The following PEBP4 variants were observed in gnomAD, a reference collection of about 807,000 sequenced individuals.
PEBP4 encodes phosphatidylethanolamine-binding protein 4.
A neutral mutation model predicts 23.9 loss-of-function variants in PEBP4; 22 were observed. The ratio of observed to expected loss-of-function variants is 0.92; its 90% CI spans 0.66 to 1.31. The LOEUF is 1.31. PEBP4 is among the 40% of genes most tolerant of loss of function. The pLI is 0.00. For missense variants in PEBP4, 324 were observed against 281.7 expected (o/e 1.15, Z -1.07); for synonymous variants, 112 against 99.3 (o/e 1.13, Z -0.76).
intron 4 of PEBP4, among the ~76,000 whole-genome samples, chr8:22,780,087 C>G (rs1204789743): frequency 6.6e-6 from 1 of 152,022 alleles, no homozygotes; most frequent in Non-Finnish European, 1.5e-5. Context: ...TAGCTGGGAC[C>G]ACAGGTGCTG....
intron 3 of PEBP4, among the ~76,000 whole-genome samples, chr8:22,845,358 A>G (rs1437938035): frequency 7.7e-6 from 1 of 129,720 alleles, no homozygotes. Flanking sequence ...ACATACCAGG[A>G]CGCATCTCTA....
In PEBP4 at chr8:22,927,822, C is replaced by A. The variant is rs951224700; in HGVS notation, c.-7+1G>T. Reference sequence around the variant, plus strand: ...AGGGGCCCACTTGGCAGGATAGAGACCTCTGGTTAAGCACAGGGAGAAGGA... The same window carrying A: ...AGGGGCCCACTTGGCAGGATAGAGAACTCTGGTTAAGCACAGGGAGAAGGA... On this transcript the variant is annotated splice_donor_variant, in intron 1 of 6. Coordinates refer to ENST00000256404, the MANE Select transcript of PEBP4 (RefSeq NM_144962.3). LOFTEE classifies it low-confidence loss of function (5UTR_SPLICE). The A allele has an allele frequency of 2.1e-6, 3 of 1,453,708 alleles. No individual in the cohort carries two copies. The highest frequency in any genetic ancestry group is 2.8e-6 in the Non-Finnish European group (3 of 1,068,694). The allele number at this position is 1,453,708 out of a possible 1,614,324, so 90.1% of individuals were successfully genotyped here. A position where few individuals can be genotyped will look rare whatever the true frequency, so the allele number is the denominator to read the frequency against.
intron 3 of PEBP4, among the ~76,000 whole-genome samples, chr8:22,916,997 G>A (rs911166906): frequency 6.6e-6 from 1 of 152,150 alleles, no homozygotes; most frequent in Non-Finnish European, 1.5e-5. Context: ...TGTGACGGGA[G>A]CAGGGTCCAA....
At chr8:22,940,889 G>A (rs1314494065) in intron 1 of PEBP4, among the ~76,000 whole-genome samples, 1 of 152,206 alleles carries the variant, frequency 6.6e-6, no homozygotes, top group Non-Finnish European at 1.5e-5. Context: ...CAGGGAAGAA[G>A]AGCCCTTGTC....
chr8:22,834,917 A>G (rs1418510750), intron 3 of PEBP4, among the ~76,000 whole-genome samples: 1 of 152,166 alleles, frequency 6.6e-6, no homozygotes, highest in African/African-American at 2.4e-5. Flanking sequence ...TTCAGCCCCT[A>G]GACTTCTTGT....
intron 4 of PEBP4, among the ~76,000 whole-genome samples, chr8:22,800,342 C>A (rs1806357671): frequency 6.6e-6 from 1 of 151,956 alleles, no homozygotes; most frequent in African/African-American, 2.4e-5. Context: ...ACACTCTGCA[C>A]TGATAAGCTT....
chr8:22,737,430 G>A (rs117052233), intron 4 of PEBP4, among the ~76,000 whole-genome samples: 2,008 of 152,314 alleles, frequency 0.013, 59 homozygotes, highest in East Asian at 0.057. Flanking sequence ...CACCTCTTGC[G>A]GAGTGCCCGT....
intron 3 of PEBP4, among the ~76,000 whole-genome samples, chr8:22,882,768 C>A (rs1019752044): frequency 7.2e-5 from 11 of 152,284 alleles, no homozygotes; most frequent in African/African-American, 2.6e-4. Flanking sequence ...GCCCATACCA[C>A]CAACCACCTC....
At position 22,775,987 on chromosome 8, in the gene PEBP4, G is replaced by A. The variant is rs1401468604; in HGVS notation, c.357+41650C>T. 6.6e-6 allele frequency among the ~76,000 whole-genome samples: 1 copy of A among 152,142 alleles called. No homozygotes were observed. Among genetic ancestry groups the A allele is most frequent in the Non-Finnish European group, 1.5e-5 (1 of 68,000 alleles). ...ACAATGGGGGTTGCAGATGCACACA[G>A]AGGGGTGTCTGTGTGCACCAGAGAG... On this transcript the variant is annotated intron_variant, in intron 4 of 6. Transcript: ENST00000256404. The surrounding 1 kb of genome is among the most constrained non-coding windows in gnomAD (Gnocchi z 4.8).
chr8:22,901,215 C>A (rs1282171073), intron 3 of PEBP4, among the ~76,000 whole-genome samples: 1 of 152,122 alleles, frequency 6.6e-6, no homozygotes, highest in South Asian at 2.1e-4. Context: ...GCTGGTGAAA[C>A]AAGAGAGGCA....
chr8:22,822,354 AGT>A (rs34500729), intron 3 of PEBP4, among the ~76,000 whole-genome samples: 1,571 of 147,812 alleles, frequency 0.011, 25 homozygotes, highest in African/African-American at 0.036. Context: ...TATATACTAA[AGT>A]GTGTGTGTGT....
chr8:22,845,498 G>A (rs976832832), intron 3 of PEBP4, among the ~76,000 whole-genome samples: 8 of 152,190 alleles, frequency 5.3e-5, no homozygotes, highest in African/African-American at 1.9e-4. Flanking sequence ...ACTCTAGCCT[G>A]GGCAGCAGAG....
At chr8:22,923,426 A>G (rs1406127154) in intron 2 of PEBP4, among the ~76,000 whole-genome samples, 5 of 152,012 alleles carry the variant, frequency 3.3e-5, no homozygotes, top group African/African-American at 1.2e-4. Context: ...AAATTAGCCA[A>G]GTGTGGTGGT....
chr8:22,731,877 G>A (rs1045814812), intron 4 of PEBP4, among the ~76,000 whole-genome samples: 2 of 149,998 alleles, frequency 1.3e-5, no homozygotes, highest in Non-Finnish European at 3.0e-5. Flanking sequence ...GGGTTTCACC[G>A]TGTTAGCCAG....
At chr8:22,918,029 T>C (rs912726393) in intron 3 of PEBP4, among the ~76,000 whole-genome samples, 6 of 152,164 alleles carry the variant, frequency 3.9e-5, no homozygotes, top group African/African-American at 1.4e-4. Context: ...AACCAATGTT[T>C]CCCCCTCTTT....
chr8:22,717,647 G>A (rs1316648849), intron 6 of PEBP4, among the ~76,000 whole-genome samples: 1 of 152,196 alleles, frequency 6.6e-6, no homozygotes, highest in African/African-American at 2.4e-5. Context: ...TCTCTGTAAG[G>A]ACAGGGGCCA....
At chr8:22,719,951 G>A (rs868501482) in intron 6 of PEBP4, among the ~76,000 whole-genome samples, 18 of 152,366 alleles carry the variant, frequency 1.2e-4, no homozygotes, top group African/African-American at 3.8e-4. Flanking sequence ...AAGCTGACGT[G>A]TGTTTGCAAA....
chr8:22,819,294 G>C (rs1806809397), intron 3 of PEBP4, among the ~76,000 whole-genome samples: 1 of 152,214 alleles, frequency 6.6e-6, no homozygotes, highest in Non-Finnish European at 1.5e-5. Flanking sequence ...AGTGTCTCCA[G>C]GAAGAGAAAG....
chr8:22,927,179 A>T (rs1214077688), intron 2 of PEBP4, among the ~76,000 whole-genome samples: 1 of 152,104 alleles, frequency 6.6e-6, no homozygotes, highest in Non-Finnish European at 1.5e-5. Flanking sequence ...GGGTCTAATC[A>T]TACACCTTCT....
Sources: allele counts gnomAD v4.1 joint callset (sites outside exome capture counted in the v4.1 genomes callset), GRCh38; gene constraint gnomAD v4.1.1; non-coding constraint Gnocchi (gnomAD v3.1); transcripts MANE v1.5; gene names NCBI Gene and HGNC (gene_info 2026-07-23, HGNC 2026-07-21).